The following C12orf42 variants were observed in gnomAD, a reference collection of about 807,000 sequenced individuals.
C12orf42 encodes the protein uncharacterized protein C12orf42.
A neutral mutation model predicts 21.6 loss-of-function variants in C12orf42; 25 were observed. The observed-to-expected ratio is 1.16, with a 90% CI of 0.84 to 1.62. C12orf42 has a LOEUF of 1.62. Ranked by LOEUF, C12orf42 falls within the 40% of genes most tolerant of loss-of-function variation. The pLI is 0.00. For missense variants in C12orf42, 483 were observed against 459.3 expected (o/e 1.05, Z -0.47); for synonymous variants, 174 against 175.0 (o/e 0.99, Z 0.05).
At chr12:103,274,949 C>T (rs1221848399) in intron 5 of C12orf42, among the ~76,000 whole-genome samples, 1 of 152,036 alleles carries the variant, frequency 6.6e-6, no homozygotes, top group African/African-American at 2.4e-5. Context: ...TTGGTTCTAT[C>T]CACATTTGGC....
chr12:103,066,684 T>C, the C12orf42 span, among the ~76,000 whole-genome samples: 71 of 152,342 alleles, frequency 4.7e-4, no homozygotes, highest in African/African-American at 1.6e-3. Flanking sequence ...TCGTGGGCTG[T>C]AGCCAATGGT....
At chr12:103,137,627 T>G in the C12orf42 span, among the ~76,000 whole-genome samples, 18 of 152,126 alleles carry the variant, frequency 1.2e-4, no homozygotes, top group Non-Finnish European at 2.2e-4. Flanking sequence ...AACCTAAGTA[T>G]CCATCAAAAG....
intron 4 of C12orf42, among the ~76,000 whole-genome samples, chr12:103,282,527 T>A (rs896527290): frequency 6.6e-6 from 1 of 152,176 alleles, no homozygotes; most frequent in Non-Finnish European, 1.5e-5. Context: ...GGATATATCA[T>A]ATAGCCTAGC....
intron 10 of C12orf42, among the ~76,000 whole-genome samples, chr12:103,242,403 A>C (rs1043706405): frequency 1.3e-5 from 2 of 152,212 alleles, no homozygotes; most frequent in Non-Finnish European, 2.9e-5. Context: ...TGTTTTCTGC[A>C]CTGGTAAGAC....
At chr12:103,094,655 G>T in the C12orf42 span, among the ~76,000 whole-genome samples, 8 of 152,038 alleles carry the variant, frequency 5.3e-5, no homozygotes, top group Non-Finnish European at 1.0e-4. Context: ...CTCATAAATG[G>T]TGTGACCCTT....
At chr12:103,457,767 C>G (rs1001590601) in intron 2 of C12orf42, among the ~76,000 whole-genome samples, 2 of 152,306 alleles carry the variant, frequency 1.3e-5, no homozygotes, top group Middle Eastern at 3.4e-3. Flanking sequence ...TTTATATGCT[C>G]TGCCCTCCTG....
At chr12:103,397,063 G>A (rs1053981639) in intron 3 of C12orf42, among the ~76,000 whole-genome samples, 1 of 152,168 alleles carries the variant, frequency 6.6e-6, no homozygotes, top group Admixed American at 6.5e-5. Context: ...AAAAGCAAAG[G>A]TGTATAATTT....
At chr12:103,109,347 G>A in the C12orf42 span, among the ~76,000 whole-genome samples, 1 of 152,004 alleles carries the variant, frequency 6.6e-6, no homozygotes. Context: ...TTACACACAC[G>A]GGTGTGCGTG....
At chr12:103,485,019 G>A (rs1031039621) in intron 1 of C12orf42, among the ~76,000 whole-genome samples, 8 of 151,870 alleles carry the variant, frequency 5.3e-5, no homozygotes, top group African/African-American at 1.2e-4. Flanking sequence ...ACAAGTGCCC[G>A]CCACCATGCA....
intron 4 of C12orf42, among the ~76,000 whole-genome samples, chr12:103,352,125 C>T (rs1449728852): frequency 2.0e-5 from 3 of 152,094 alleles, no homozygotes; most frequent in Admixed American, 6.6e-5. Context: ...TCTTCTCTTA[C>T]TCTTGGAATT....
intron 1 of C12orf42, among the ~76,000 whole-genome samples, chr12:103,489,109 G>A (rs1955022597): frequency 6.6e-6 from 1 of 152,168 alleles, no homozygotes; most frequent in African/African-American, 2.4e-5. Flanking sequence ...CTTTGATGTT[G>A]GTGTCCTACA....
chr12:103,401,771 T>C (rs2048022221), intron 2 of C12orf42, 96 bp from the exon 3 acceptor site: 2 of 1,152,644 alleles, frequency 1.7e-6, no homozygotes, highest in African/African-American at 3.0e-5. Context: ...GATCAGAAGC[T>C]AATTCTTTCA....
rs138207393 is a variant in C12orf42 at position 103,478,460 on chromosome 12, A to C, written c.-21-13T>G. The stretch of plus-strand genomic sequence containing the variant: ...CAAGTTCAACTCCCTATAAACAAAG[A>C]ATGGAGAAAGAAGAGCAGGTTTACA... On this transcript the variant is annotated splice_polypyrimidine_tract_variant and intron_variant, in intron 1 of 5. Coordinates refer to ENST00000548883, the MANE Select transcript of C12orf42 (RefSeq NM_198521.5). 5.2e-6 allele frequency: 7 copies of C among 1,341,884 alleles called. No homozygotes were observed. In the East Asian group the frequency reaches 1.7e-4, roughly 32 times the overall value. 83.1% of individuals were successfully genotyped at this position (1,341,884 alleles called of 1,614,324 possible). A position where few individuals can be genotyped will look rare whatever the true frequency, so the allele number is the denominator to read the frequency against.
At chr12:103,406,968 T>C (rs1164822957) in intron 2 of C12orf42, among the ~76,000 whole-genome samples, 1 of 152,230 alleles carries the variant, frequency 6.6e-6, no homozygotes, top group African/African-American at 2.4e-5. Flanking sequence ...CAAATAGTAG[T>C]TGTGCCCCGT....
chr12:103,333,777 T>A (rs1593476743), intron 4 of C12orf42, among the ~76,000 whole-genome samples: 1 of 152,242 alleles, frequency 6.6e-6, no homozygotes, highest in Non-Finnish European at 1.5e-5. Context: ...CAAGCCACTT[T>A]GCTTTCAAAA....
chr12:103,256,852 A>G (rs1200829832), intron 10 of C12orf42, among the ~76,000 whole-genome samples: 3 of 152,230 alleles, frequency 2.0e-5, no homozygotes, highest in Non-Finnish European at 4.4e-5. Flanking sequence ...TTAACATTAC[A>G]TAAAATTTAC....
At chr12:103,398,693 C>CT (rs1156322818) in intron 3 of C12orf42, among the ~76,000 whole-genome samples, 1 of 151,788 alleles carries the variant, frequency 6.6e-6, no homozygotes, top group Non-Finnish European at 1.5e-5. Flanking sequence ...ATAATATTAC[C>CT]TTTTTTTTCT....
the C12orf42 span, among the ~76,000 whole-genome samples, chr12:103,149,936 A>C: frequency 1.4e-4 from 22 of 152,194 alleles, no homozygotes; most frequent in Non-Finnish European, 2.8e-4. Flanking sequence ...AAGTCTGGGA[A>C]TGTTATAACT....
chr12:103,484,232 G>A (rs1049926942), intron 1 of C12orf42, among the ~76,000 whole-genome samples: 5 of 152,146 alleles, frequency 3.3e-5, no homozygotes, highest in East Asian at 1.9e-4. Flanking sequence ...TTGAGGAATC[G>A]CCACACTGTC....
Sources: allele counts gnomAD v4.1 joint callset (sites outside exome capture counted in the v4.1 genomes callset), GRCh38; gene constraint gnomAD v4.1.1; transcripts MANE v1.5; gene names NCBI Gene and HGNC (gene_info 2026-07-23, HGNC 2026-07-21).